The following BACE1 variants were observed in gnomAD, a reference collection of about 807,000 sequenced individuals.
BACE1 encodes beta-secretase 1.
A neutral mutation model predicts 54.0 loss-of-function variants in BACE1; 21 were observed. The observed-to-expected ratio is 0.39, with a 90% CI of 0.28 to 0.56. BACE1 has a LOEUF of 0.56. Among genes scored for constraint, BACE1 ranks in the 20% least tolerant of loss-of-function variants. The pLI is 0.63. For missense variants in BACE1, 511 were observed against 661.2 expected (o/e 0.77, Z 2.49); for synonymous variants, 232 against 260.9 (o/e 0.89, Z 1.07).
intron 1 of BACE1, among the ~76,000 whole-genome samples, chr11:117,306,117 G>T (rs535654485): frequency 6.6e-6 from 1 of 152,314 alleles, no homozygotes; most frequent in African/African-American, 2.4e-5. Context: ...GGATCCTAGT[G>T]TACAAGAGAG....
At chr11:117,307,891 G>T (rs948676476) in intron 1 of BACE1, among the ~76,000 whole-genome samples, 1 of 152,152 alleles carries the variant, frequency 6.6e-6, no homozygotes, top group Non-Finnish European at 1.5e-5. Context: ...TGGAGCCGGG[G>T]TCTTGCTGGC....
chr11:117,287,097 A>G lies in BACE1; in HGVS notation c.*2469T>C, dbSNP rs918495534. On this transcript the variant is annotated 3_prime_UTR_variant, in exon 9 of 9. Coordinates refer to ENST00000313005, the MANE Select transcript of BACE1 (RefSeq NM_012104.6). ...CCTTTGAAGCCAAAGGAGTAAAGAA[A>G]GAAAAAAGGAAGGGGTGAGGAGGGG... is the stretch of plus-strand genomic sequence containing the variant. 3 of 152,218 alleles carry G rather than the reference A, an allele frequency of 2.0e-5. No homozygotes were observed. The highest frequency in any genetic ancestry group is 6.5e-5 in the Admixed American group (1 of 15,282). The allele number at this position is 152,218 out of a possible 1,614,324, so 9.4% of individuals were successfully genotyped here. A position where few individuals can be genotyped will look rare whatever the true frequency, so the allele number is the denominator to read the frequency against.
intron 1 of BACE1, among the ~76,000 whole-genome samples, chr11:117,297,751 T>C (rs752790468): frequency 6.6e-6 from 1 of 152,216 alleles, no homozygotes; most frequent in Non-Finnish European, 1.5e-5. Flanking sequence ...AAACAGGTGA[T>C]GTATGTGTCT....
In BACE1 at chr11:117,295,333, C is replaced by T. The variant is rs138138981; in HGVS notation, c.365G>A (p.Arg122Gln). ...CACATACACACCCTTCCGGAGGTCC[C>T]GGTATGTGCTGGACCTGTGGAAAGA... The part of the protein sequence containing the change: ...YYQRQLSSTY[R>Q]DLRKGVYVPY... The change falls in exon 3 of 9, where the codon CGG becomes CAG. Residue 122 changes from arginine to glutamine, a missense_variant. Around this residue, in one of 2 missense-constraint regions of BACE1, gnomAD observed 407 missense variants for 565.7 expected, o/e 0.72. Transcript: ENST00000313005. 1.9e-5 allele frequency: 30 copies of T among 1,613,500 alleles called. No individual in the cohort carries two copies. The African/African-American group carries it at 2.7e-4, about 14-fold the overall frequency.
intron 2 of BACE1, chr11:117,295,674 C>T (rs908310641): frequency 6.6e-7 from 1 of 1,517,450 alleles, no homozygotes; most frequent in Non-Finnish European, 8.8e-7. Flanking sequence ...AGCTAGTGGG[C>T]ATCTCTTCCG....
At chr11:117,314,961 G>T (rs1328342770) in intron 1 of BACE1, among the ~76,000 whole-genome samples, 1 of 152,098 alleles carries the variant, frequency 6.6e-6, no homozygotes, top group Non-Finnish European at 1.5e-5. Flanking sequence ...AGGAGGGGAC[G>T]GCAGGAGCCT....
In BACE1 at chr11:117,295,124, C is replaced by T. The variant is rs766971049; in HGVS notation, c.567+7G>A. Reference sequence around the variant, plus strand: ...GAGTGTGTAGGGCCAAGCCCTGTTCCTCTCACCCTGGCAATCTCAGCATAG... The same window carrying T: ...GAGTGTGTAGGGCCAAGCCCTGTTCTTCTCACCCTGGCAATCTCAGCATAG... On this transcript the variant is annotated splice_region_variant and intron_variant, in intron 3 of 8. Coordinates refer to ENST00000313005, the MANE Select transcript of BACE1 (RefSeq NM_012104.6). 5.0e-6 allele frequency: 8 copies of T among 1,613,318 alleles called. No homozygotes were observed. Among genetic ancestry groups the T allele is most frequent in the South Asian group, 2.2e-5 (2 of 91,062 alleles).
rs1025431427 is a variant in BACE1 at position 117,316,091 on chromosome 11, G to T, written c.-296C>A. The T allele has an allele frequency of 5.1e-6, 2 of 394,176 alleles. No individual in the cohort carries two copies. Among genetic ancestry groups the T allele is most frequent in the Non-Finnish European group, 8.9e-6 (2 of 223,588 alleles). 24.4% of individuals were successfully genotyped at this position (394,176 alleles called of 1,614,324 possible). ...CGGGCTCCCGGCGGGGCTGGGAGGG[G>T]CGGGCATGGCGGGCCGGTGGCGGCT... On this transcript the variant is annotated 5_prime_UTR_variant, in exon 1 of 9. Coordinates refer to ENST00000313005, the MANE Select transcript of BACE1 (RefSeq NM_012104.6).
At chr11:117,290,778 C>T (rs2034404113) in intron 7 of BACE1, 119 bp from the exon 8 acceptor site, 1 of 1,547,596 alleles carries the variant, frequency 6.5e-7, no homozygotes, top group Admixed American at 1.8e-5. Flanking sequence ...TTTTCTGAGA[C>T]CCCTTTACTG....
intron 1 of BACE1, among the ~76,000 whole-genome samples, chr11:117,306,261 A>G (rs947875182): frequency 7.9e-5 from 12 of 152,166 alleles, no homozygotes; most frequent in African/African-American, 2.9e-4. Flanking sequence ...CCCATGCTCC[A>G]CAAGGTATCA....
intron 1 of BACE1, among the ~76,000 whole-genome samples, chr11:117,303,897 G>A (rs1030434308): frequency 2.0e-5 from 3 of 152,210 alleles, no homozygotes; most frequent in Non-Finnish European, 2.9e-5. Context: ...GAGACCTAGA[G>A]TGAGTAAGCA....
At chr11:117,291,653 C>T in intron 6 of BACE1, 59 bp downstream of exon 6, 5 of 1,269,572 alleles carry the variant, frequency 3.9e-6, no homozygotes, top group Non-Finnish European at 5.7e-6. Flanking sequence ...GAATGTGACT[C>T]TCACCGCCTC....
In BACE1 at chr11:117,316,019, G is replaced by A; in HGVS notation, c.-224C>T. 1 of 420,710 alleles carries A rather than the reference G, an allele frequency of 2.4e-6. No individual in the cohort carries two copies. The highest frequency in any genetic ancestry group is 4.1e-6 in the Non-Finnish European group (1 of 246,558). 26.1% of individuals were successfully genotyped at this position (420,710 alleles called of 1,614,324 possible). On this transcript the variant is annotated 5_prime_UTR_variant, in exon 1 of 9. Transcript: ENST00000313005. ...GGGAGCAGGGGAGAGGCTGGGATCC[G>A]GAGCCCGCTACATCGGCACGGCGGC...
At chr11:117,289,917 A>C in intron 8 of BACE1, 110 bp from the exon 9 acceptor site, 1 of 952,888 alleles carries the variant, frequency 1.0e-6, no homozygotes, top group Non-Finnish European at 1.6e-6. Flanking sequence ...AAGTTATCTA[A>C]TCTCCTTCCC....
At chr11:117,313,742 C>A (rs1028397114) in intron 1 of BACE1, among the ~76,000 whole-genome samples, 1 of 152,140 alleles carries the variant, frequency 6.6e-6, no homozygotes, top group Non-Finnish European at 1.5e-5. Flanking sequence ...ACATGTAAAA[C>A]GTGGAGGCCC....
At chr11:117,290,708 C>T (rs775285842) in intron 7 of BACE1, 49 bp from the exon 8 acceptor site, 44 of 1,588,338 alleles carry the variant, frequency 2.8e-5, no homozygotes, top group Non-Finnish European at 3.7e-5. Flanking sequence ...TCTCCTTCAC[C>T]CCATCTCTGC....
chr11:117,314,564 T>C (rs2035032372), intron 1 of BACE1: 1 of 152,320 alleles, frequency 6.6e-6, no homozygotes, highest in Non-Finnish European at 1.5e-5. Context: ...CAGGATCAGA[T>C]TCAAGGTGAC....
Position 117,309,629 on chromosome 11 carries a change from C to T in BACE1, c.261+5906G>A, listed in dbSNP as rs536838850. Among the ~76,000 whole-genome samples the T allele has an allele frequency of 5.3e-5, 8 of 152,338 alleles. No homozygotes were observed. The South Asian group carries it at 1.4e-3, about 28-fold the overall frequency. On this transcript the variant is annotated intron_variant, in intron 1 of 8. Transcript: ENST00000313005. ...CCATGTCAGAAGTAGCTGCTTCTCTCTGTGCACTTCCAAGATCCACTGTTT... is the reference window on the plus strand; with the variant it reads ...CCATGTCAGAAGTAGCTGCTTCTCTTTGTGCACTTCCAAGATCCACTGTTT...
chr11:117,314,363 G>A (rs889641123), intron 1 of BACE1, among the ~76,000 whole-genome samples: 14 of 152,124 alleles, frequency 9.2e-5, no homozygotes, highest in Admixed American at 9.2e-4. Flanking sequence ...TGGGGAGCAC[G>A]CACCTAGGAA....
Sources: allele counts gnomAD v4.1 joint callset (sites outside exome capture counted in the v4.1 genomes callset), GRCh38; gene constraint gnomAD v4.1.1; regional missense constraint gnomAD v4.1.1; transcripts MANE v1.5; gene names NCBI Gene and HGNC (gene_info 2026-07-23, HGNC 2026-07-21).